The following CENPW variants were observed in gnomAD, a reference collection of about 807,000 sequenced individuals.
The protein encoded by CENPW is cancer-up-regulated gene 2 protein.
In CENPW, 3 loss-of-function variants were observed where a neutral mutation model predicts 11.1. The observed-to-expected ratio is 0.27, with a 90% CI of 0.12 to 0.70. The LOEUF is 0.70. CENPW is among the 30% of genes least tolerant of loss of function. The pLI, the probability that CENPW is intolerant of heterozygous loss-of-function variation, is 0.77. For synonymous variants in CENPW, 38 were observed against 42.0 expected, an observed-to-expected ratio of 0.91 and a Z score of 0.37; for missense variants, 100 against 105.6, an observed-to-expected ratio of 0.95 and a Z score of 0.23.
At chr6:126,389,860 T>C in the CENPW span, among the ~76,000 whole-genome samples, 1 of 151,912 alleles carries the variant, frequency 6.6e-6, no homozygotes, top group African/African-American at 2.4e-5. Context: ...AAAAGGACTT[T>C]CAAATAAAAG....
chr6:126,343,430 A>G (rs1371548876), intron 1 of CENPW, among the ~76,000 whole-genome samples: 2 of 152,188 alleles, frequency 1.3e-5, no homozygotes, highest in Non-Finnish European at 2.9e-5. Context: ...AATAGGATAG[A>G]TGTATATATG....
chr6:126,440,438 T>C, the CENPW span, among the ~76,000 whole-genome samples: 516 of 151,796 alleles, frequency 3.4e-3, 1 homozygote, highest in Non-Finnish European at 6.2e-3. Flanking sequence ...GTAACATTTA[T>C]GTTGTTTTAC....
At chr6:126,398,653 G>A in the CENPW span, among the ~76,000 whole-genome samples, 1 of 151,940 alleles carries the variant, frequency 6.6e-6, no homozygotes, top group African/African-American at 2.4e-5. Flanking sequence ...TTTTGTAAGT[G>A]TATTTTTTAT....
At chr6:126,345,217 C>T (rs1583954633) in intron 1 of CENPW, among the ~76,000 whole-genome samples, 1 of 151,790 alleles carries the variant, frequency 6.6e-6, no homozygotes, top group Non-Finnish European at 1.5e-5. Context: ...AAATACTTAA[C>T]AAAGTGTTAT....
chr6:126,404,044 G>C, the CENPW span, among the ~76,000 whole-genome samples: 1 of 151,990 alleles, frequency 6.6e-6, no homozygotes, highest in Non-Finnish European at 1.5e-5. Context: ...CTCTGTCTGT[G>C]CTCTCATAAA....
At chr6:126,365,078 T>C in the CENPW span, among the ~76,000 whole-genome samples, 1 of 152,148 alleles carries the variant, frequency 6.6e-6, no homozygotes, top group Non-Finnish European at 1.5e-5. Flanking sequence ...AATATTGGGA[T>C]CTGGATGATG....
At chr6:126,396,779 C>G in the CENPW span, among the ~76,000 whole-genome samples, 4 of 151,988 alleles carry the variant, frequency 2.6e-5, no homozygotes, top group Non-Finnish European at 5.9e-5. Context: ...ATGAGTGCTT[C>G]CAGGACTGGG....
At chr6:126,362,977 A>G in the CENPW span, among the ~76,000 whole-genome samples, 1 of 152,206 alleles carries the variant, frequency 6.6e-6, no homozygotes, top group Non-Finnish European at 1.5e-5. Flanking sequence ...TGTTTTAAAA[A>G]CATATTTTTA....
chr6:126,458,950 T>C, the CENPW span, among the ~76,000 whole-genome samples: 1 of 151,436 alleles, frequency 6.6e-6, no homozygotes. Context: ...CTGCCTACAG[T>C]TTCTTCATGG....
chr6:126,434,792 T>A, the CENPW span, among the ~76,000 whole-genome samples: 2 of 151,972 alleles, frequency 1.3e-5, no homozygotes, highest in Admixed American at 1.3e-4. Context: ...AGTTGACCAG[T>A]CTGTTTCTGT....
chr6:126,390,812 T>C, the CENPW span, among the ~76,000 whole-genome samples: 1 of 152,056 alleles, frequency 6.6e-6, no homozygotes, highest in African/African-American at 2.4e-5. Flanking sequence ...CTTATTCTTT[T>C]TTATGGCTGA....
chr6:126,402,784 T>C, the CENPW span, among the ~76,000 whole-genome samples: 14 of 152,208 alleles, frequency 9.2e-5, no homozygotes, highest in Admixed American at 6.6e-4. Context: ...TTGTTTCCTC[T>C]TTTTGACTAT....
At chr6:126,466,924 GA>G in the CENPW span, among the ~76,000 whole-genome samples, 1 of 151,960 alleles carries the variant, frequency 6.6e-6, no homozygotes, top group Admixed American at 6.6e-5. Context: ...AGGAATAGGG[GA>G]AAAACAGCTA....
At chr6:126,428,920 T>C in the CENPW span, among the ~76,000 whole-genome samples, 1 of 152,218 alleles carries the variant, frequency 6.6e-6, no homozygotes, top group Non-Finnish European at 1.5e-5. Flanking sequence ...TGTTTTTGTA[T>C]GTATTCTATT....
At chr6:126,459,951 G>A in the CENPW span, among the ~76,000 whole-genome samples, 1 of 150,554 alleles carries the variant, frequency 6.6e-6, no homozygotes, top group Non-Finnish European at 1.5e-5. Flanking sequence ...TTTTTCTTTG[G>A]TGGTTACATT....
chr6:126,433,736 G>C, the CENPW span, among the ~76,000 whole-genome samples: 6 of 151,898 alleles, frequency 4.0e-5, no homozygotes, highest in South Asian at 1.2e-3. Context: ...CCTCTTTTTG[G>C]GAAAACGCAC....
At chr6:126,412,456 A>G in the CENPW span, among the ~76,000 whole-genome samples, 1 of 152,096 alleles carries the variant, frequency 6.6e-6, no homozygotes, top group Non-Finnish European at 1.5e-5. Context: ...GTGATCAGTG[A>G]TTTTTGTATT....
the CENPW span, among the ~76,000 whole-genome samples, chr6:126,459,380 A>T: frequency 6.6e-6 from 1 of 151,580 alleles, no homozygotes; most frequent in South Asian, 2.1e-4. Flanking sequence ...GATGAGAAGT[A>T]AGGATTGAAA....
At chr6:126,386,486 G>A in the CENPW span, among the ~76,000 whole-genome samples, 1,498 of 152,038 alleles carry the variant, frequency 9.9e-3, 20 homozygotes, top group African/African-American at 0.035. Context: ...GGAATTTAAT[G>A]GTCATCAGTT....
Sources: gnomAD v4.1 joint callset for allele counts (sites outside exome capture counted in the v4.1 genomes callset) on GRCh38, gnomAD v4.1.1 for gene constraint, MANE v1.5 for transcripts, NCBI Gene and HGNC (gene_info 2026-07-23, HGNC 2026-07-21) for gene names.